RNASEH2B: variants seen among roughly 807,000 people sequenced by gnomAD.
The protein encoded by RNASEH2B is Aicardi-Goutieres syndrome 2 protein.
In RNASEH2B, 36 loss-of-function variants were observed where a neutral mutation model predicts 45.0. The ratio of observed to expected loss-of-function variants is 0.80; its 90% CI spans 0.61 to 1.06. The LOEUF (loss-of-function observed/expected upper bound fraction) is 1.06. RNASEH2B is among the 50% of genes least tolerant of loss of function. The pLI, the probability that RNASEH2B is intolerant of heterozygous loss-of-function variation, is 0.00. For synonymous variants in RNASEH2B, 119 were observed against 125.7 expected, an observed-to-expected ratio of 0.95 and a Z score of 0.35; for missense variants, 361 against 360.3, an observed-to-expected ratio of 1.00 and a Z score of -0.02.
At chr13:50,960,370 GA>G, downstream of RNASEH2B, among the ~76,000 whole-genome samples, 1 of 152,162 alleles carries the variant, frequency 6.6e-6, no homozygotes, top group East Asian at 1.9e-4. Context: ...ACATGGGCTA[GA>G]ATATCCAGAA....
At position 50,964,658 on chromosome 13, in the gene RNASEH2B, G is replaced by A. The variant is rs1217343264; in HGVS notation, c.742-5274G>A. Among the ~76,000 whole-genome samples, 11 of 152,346 alleles carry A rather than the reference G, an allele frequency of 7.2e-5. No homozygotes were observed. The East Asian group carries it at 2.1e-3, about 29-fold the overall frequency. ...ATTGGTAAAGGATGAGTACATGATA[G>A]TCAGACAGGTTGAATAATCTCAGCA... On this transcript the variant is annotated intron_variant, in intron 9 of 9. Transcript: ENST00000422660.
At chr13:50,935,218 G>A (rs974423971) in intron 5 of RNASEH2B, 8 of 550,346 alleles carry the variant, frequency 1.5e-5, no homozygotes, top group Non-Finnish European at 2.3e-5. Flanking sequence ...TACGTCCACA[G>A]GGCAGGAATC....
chr13:50,960,058 C>A, downstream of RNASEH2B: 2 of 475,888 alleles, frequency 4.2e-6, no homozygotes, highest in South Asian at 2.1e-4. Context: ...ATGTTCGGTT[C>A]TTCATCTTCA....
intron 9 of RNASEH2B, among the ~76,000 whole-genome samples, chr13:50,962,010 T>C (rs759750943): frequency 2.3e-4 from 35 of 152,204 alleles, no homozygotes; most frequent in Non-Finnish European, 3.7e-4. Context: ...TAATGATTGA[T>C]TTTTGAATGT....
chr13:50,931,493 C>T (rs73186372), intron 4 of RNASEH2B, among the ~76,000 whole-genome samples: 31,372 of 152,036 alleles, frequency 0.21, 3,569 homozygotes, highest in African/African-American at 0.31. Context: ...AAACAAACAA[C>T]CAAATTTAAT....
downstream of RNASEH2B, among the ~76,000 whole-genome samples, chr13:50,960,382 C>T (rs1255827454): frequency 6.6e-6 from 1 of 152,068 alleles, no homozygotes; most frequent in Non-Finnish European, 1.5e-5. Flanking sequence ...ATATCCAGAA[C>T]AGTATTAAAG....
chr13:50,916,019 G>GTT (rs891007578), intron 1 of RNASEH2B, among the ~76,000 whole-genome samples: 2 of 144,120 alleles, frequency 1.4e-5, no homozygotes, highest in African/African-American at 5.1e-5. Flanking sequence ...TCTCACAGTG[G>GTT]TTTTTTTTTT....
chr13:50,945,463 G>A lies in RNASEH2B; in HGVS notation c.547G>A (p.Val183Met), dbSNP rs77377571. ...TGTGGCAGCATTAAAAACCAATAATGTGAATGTCAGTTCCCGGGTACAGTC... is the reference window on the plus strand; with the variant it reads ...TGTGGCAGCATTAAAAACCAATAATATGAATGTCAGTTCCCGGGTACAGTC... ...QTVAALKTNN[V>M]NVSSRVQSTA... The change falls in exon 7 of 11, where the codon GTG becomes ATG. Residue 183 changes from valine (V) to methionine (M), a missense_variant. By Grantham distance (21) the Val-to-Met change is conservative (BLOSUM62 1). Coordinates refer to ENST00000336617, the MANE Select transcript of RNASEH2B (RefSeq NM_024570.4). The A allele has an allele frequency of 6.2e-7, 1 of 1,613,704 alleles. No individual in the cohort carries two copies. Among genetic ancestry groups the A allele is most frequent in the Non-Finnish European group, 8.5e-7 (1 of 1,179,658 alleles).
In RNASEH2B at chr13:50,939,902, T is replaced by C. The variant is rs114319641; in HGVS notation, c.437-3419T>C. Among the ~76,000 whole-genome samples, 1,046 of 152,320 alleles carry C rather than the reference T, an allele frequency of 6.9e-3. 14 individuals carry two copies. The highest frequency in any genetic ancestry group is 0.024 in the African/African-American group (988 of 41,570). ...CAAAACCCACTAACTGTAAAAAAAT[T>C]ATAAATTGTATTTTATCAAAAGTAT... is the stretch of plus-strand genomic sequence containing the variant. On this transcript the variant is annotated intron_variant, in intron 5 of 10. Coordinates refer to ENST00000336617, the MANE Select transcript of RNASEH2B (RefSeq NM_024570.4).
At chr13:50,943,849 G>A (rs932957362) in intron 6 of RNASEH2B, among the ~76,000 whole-genome samples, 6 of 152,180 alleles carry the variant, frequency 3.9e-5, no homozygotes, top group African/African-American at 7.2e-5. Flanking sequence ...ACACTGATGA[G>A]GGGTCATCTT....
At chr13:50,942,489 A>G (rs1951845112) in intron 5 of RNASEH2B, 1 of 152,180 alleles carries the variant, frequency 6.6e-6, no homozygotes, top group African/African-American at 2.4e-5. Context: ...GAATGTATGT[A>G]GTGAACTTCA....
In RNASEH2B at chr13:50,934,984, G is replaced by A; in HGVS notation, c.421G>A (p.Val141Met). 6.2e-7 allele frequency: 1 copy of A among 1,611,020 alleles called. No homozygotes were observed. Among genetic ancestry groups the A allele is most frequent in the Non-Finnish European group, 8.5e-7 (1 of 1,177,230 alleles). ...LPGLEKLLHH[V>M]TEEKGNPEID... Reference sequence around the variant, plus strand: ...TGGACTTGAGAAGTTACTTCATCATGTGACAGAGGAAAAAGGTATGGTATA... The same window carrying A: ...TGGACTTGAGAAGTTACTTCATCATATGACAGAGGAAAAAGGTATGGTATA... Residue 141 changes from valine (V) to methionine (M), a missense_variant, in exon 5 of 11, where the codon GTG becomes ATG. Physicochemically the swap from Val to Met is conservative, Grantham distance 21. Transcript: ENST00000336617.
At chr13:50,964,891 C>T (rs1433146710) in intron 9 of RNASEH2B, among the ~76,000 whole-genome samples, 1 of 149,060 alleles carries the variant, frequency 6.7e-6, no homozygotes, top group Non-Finnish European at 1.5e-5. Flanking sequence ...GTTATTATCA[C>T]TTATCTTAAT....
At chr13:50,952,083 C>T (rs1466580102) in intron 9 of RNASEH2B, 1 of 152,104 alleles carries the variant, frequency 6.6e-6, no homozygotes, top group Non-Finnish European at 1.5e-5. Context: ...CGCTTGAGCC[C>T]AGGAGTTCAA....
chr13:50,963,075 G>A (rs926990608), intron 9 of RNASEH2B, among the ~76,000 whole-genome samples: 8 of 151,822 alleles, frequency 5.3e-5, no homozygotes, highest in African/African-American at 1.9e-4. Context: ...GTTTCTAGGT[G>A]TATCTTCAAG....
Position 50,910,108 on chromosome 13 carries a change from TTGGCGCCCGGCA to T in RNASEH2B, c.33_44del (p.Gly12_Gln15del). The T allele has an allele frequency of 6.9e-7, 1 of 1,458,440 alleles. No individual in the cohort carries two copies. The highest frequency in any genetic ancestry group is 9.0e-7 in the Non-Finnish European group (1 of 1,107,660). 90.3% of individuals were successfully genotyped at this position (1,458,440 alleles called of 1,614,324 possible). A position where few individuals can be genotyped will look rare whatever the true frequency, so the allele number is the denominator to read the frequency against. On this transcript the variant is annotated inframe_deletion, in exon 1 of 11. Transcript: ENST00000336617. ...GCTGGCGTGGACTGCGGGGACGGGG[TTGGCGCCCGGCA>T]GCACGTGTTCCTGGTTTCAGGTAAA...
At chr13:50,951,085 CT>C (rs1951970006) in intron 9 of RNASEH2B, 1 of 152,252 alleles carries the variant, frequency 6.6e-6, no homozygotes, top group African/African-American at 2.4e-5. Context: ...GATTTGGCCC[CT>C]GGGCCATCAT....
At chr13:50,961,652 A>T (rs1480809434), downstream of RNASEH2B, among the ~76,000 whole-genome samples, 1 of 152,162 alleles carries the variant, frequency 6.6e-6, no homozygotes, top group Non-Finnish European at 1.5e-5. Flanking sequence ...TTAGAAACCA[A>T]GATCTAGGCA....
chr13:50,935,670 G>A (rs371370473), intron 5 of RNASEH2B: 16 of 153,208 alleles, frequency 1.0e-4, no homozygotes, highest in African/African-American at 3.8e-4. Context: ...CAGAGGCTCA[G>A]ATGTATGGAA....
Sources: gnomAD v4.1 joint callset for allele counts (sites outside exome capture counted in the v4.1 genomes callset) on GRCh38, gnomAD v4.1.1 for gene constraint, MANE v1.5 for transcripts, NCBI Gene and HGNC (gene_info 2026-07-23, HGNC 2026-07-21) for gene names.